The following YARS1 variants were observed in gnomAD, a reference collection of about 807,000 sequenced individuals.
The protein encoded by YARS1 is tyrosine--tRNA ligase, cytoplasmic.
In YARS1, 36 loss-of-function variants were observed where a neutral mutation model predicts 62.2. That is an observed-to-expected ratio of 0.58 (90% CI 0.44 to 0.76). The LOEUF is 0.76. YARS1 is among the 30% of genes least tolerant of loss of function. The pLI, the probability that YARS1 is intolerant of heterozygous loss-of-function variation, is 0.00. For missense variants in YARS1, 524 were observed against 639.8 expected (o/e 0.82, Z 1.95); for synonymous variants, 234 against 244.9 (o/e 0.96, Z 0.42).
chr1:32,816,310 A>G (rs560992797), intron 1 of YARS1, among the ~76,000 whole-genome samples: 27 of 152,150 alleles, frequency 1.8e-4, no homozygotes, highest in Non-Finnish European at 2.9e-4. Context: ...ATTGAACAGA[A>G]TAAGGCCTGC....
chr1:32,804,442 G>A (rs563921074), intron 4 of YARS1, among the ~76,000 whole-genome samples: 6 of 151,878 alleles, frequency 4.0e-5, no homozygotes, highest in South Asian at 2.1e-4. Flanking sequence ...CGGACGGGGC[G>A]GCTGCCGGGC....
chr1:32,806,921 A>G (rs1257830812), intron 3 of YARS1, among the ~76,000 whole-genome samples: 1 of 152,202 alleles, frequency 6.6e-6, no homozygotes, highest in Non-Finnish European at 1.5e-5. Context: ...ACATGTAACA[A>G]ACCTGCACAT....
Position 32,807,349 on chromosome 1 carries a change from C to T in YARS1, c.381-738G>A, listed in dbSNP as rs555537172. 1.5e-4 allele frequency among the ~76,000 whole-genome samples: 23 copies of T among 152,344 alleles called. No homozygotes were observed. The South Asian group carries it at 4.6e-3, about 30-fold the overall frequency. ...GCTTTCAAGTGGCCGGGCAGCCAAA[C>T]CTGGGTCCAGTTACATTAGGACATT... On this transcript the variant is annotated intron_variant, in intron 3 of 12. Transcript: ENST00000373477.
Position 32,798,901 on chromosome 1 carries a change from G to A in YARS1, c.511-1058C>T, listed in dbSNP as rs112714303. Among the ~76,000 whole-genome samples the A allele has an allele frequency of 3.1e-3, 479 of 152,284 alleles. 7 individuals are homozygous for A. Among genetic ancestry groups the A allele is most frequent in the African/African-American group, 0.011 (453 of 41,554 alleles). On this transcript the variant is annotated intron_variant, in intron 4 of 12. Coordinates refer to ENST00000373477, the MANE Select transcript of YARS1 (RefSeq NM_003680.4). ...ACATGCCAGGCCTGCTGCCAGCTCC[G>A]TGGATGGTGAGATAAATCAGACCCA...
At chr1:32,789,745 C>T (rs1653352571) in intron 6 of YARS1, among the ~76,000 whole-genome samples, 2 of 151,724 alleles carry the variant, frequency 1.3e-5, no homozygotes, top group African/African-American at 4.8e-5. Context: ...CATGCCACCA[C>T]ACCCAGCTGA....
chr1:32,796,864 C>A (rs1653599193), intron 5 of YARS1, among the ~76,000 whole-genome samples: 1 of 141,826 alleles, frequency 7.1e-6, no homozygotes, highest in South Asian at 2.3e-4. Flanking sequence ...ACTCGGCAGG[C>A]TGAGGCAGGA....
chr1:32,804,825 T>C (rs1038409389), intron 4 of YARS1, among the ~76,000 whole-genome samples: 25 of 151,858 alleles, frequency 1.6e-4, no homozygotes, highest in African/African-American at 5.3e-4. Context: ...ACTTCCCAGA[T>C]GGGGTGGCAG....
intron 9 of YARS1, 63 bp from the exon 10 acceptor site, chr1:32,781,208 C>G: frequency 7.6e-7 from 1 of 1,314,256 alleles, no homozygotes; most frequent in Non-Finnish European, 1.1e-6. Flanking sequence ...CTGCTGATCC[C>G]ACCACGTTAA....
At chr1:32,813,113 AC>A (rs1487439179) in intron 1 of YARS1, among the ~76,000 whole-genome samples, 2 of 150,948 alleles carry the variant, frequency 1.3e-5, no homozygotes, top group Non-Finnish European at 3.0e-5. Context: ...TAGAACCCCC[AC>A]CCCCTTTCTG....
chr1:32,803,428 G>C (rs113889404), intron 4 of YARS1, among the ~76,000 whole-genome samples: 5 of 151,770 alleles, frequency 3.3e-5, no homozygotes, highest in Non-Finnish European at 5.9e-5. Context: ...CACCATGCCC[G>C]GCCTATTTAG....
Position 32,775,889 on chromosome 1 carries a change from C to T in YARS1, c.*92G>A. ...AGTCCAAACCCGCTGCTTCCGTGTC[C>T]TGAGAGATGGGTAAATGGGTGATGG... On this transcript the variant is annotated 3_prime_UTR_variant, in exon 13 of 13. Transcript: ENST00000373477. 8.1e-7 allele frequency: 1 copy of T among 1,228,360 alleles called. No homozygotes were observed. Among genetic ancestry groups the T allele is most frequent in the Non-Finnish European group, 1.2e-6 (1 of 838,868 alleles). The allele number at this position is 1,228,360 out of a possible 1,614,324, so 76.1% of individuals were successfully genotyped here.
intron 4 of YARS1, among the ~76,000 whole-genome samples, chr1:32,799,778 T>G (rs558307664): frequency 6.6e-6 from 1 of 152,314 alleles, no homozygotes; most frequent in East Asian, 1.9e-4. Flanking sequence ...GCTACCACAT[T>G]AGACAGTACA....
At chr1:32,812,940 C>T (rs548471656) in intron 1 of YARS1, among the ~76,000 whole-genome samples, 3 of 148,068 alleles carry the variant, frequency 2.0e-5, no homozygotes, top group East Asian at 1.9e-4. Context: ...TGCACTCCAG[C>T]CTGGGCAACA....
intron 5 of YARS1, among the ~76,000 whole-genome samples, chr1:32,795,743 T>A (rs1653561682): frequency 6.6e-6 from 1 of 150,958 alleles, no homozygotes; most frequent in Admixed American, 6.6e-5. Context: ...GAGGCAGAGG[T>A]TGCAGTGAGC....
At chr1:32,780,627 A>T in intron 10 of YARS1, 1 of 418,078 alleles carries the variant, frequency 2.4e-6, no homozygotes, top group Non-Finnish European at 4.5e-6. Flanking sequence ...AGGGAAAAAA[A>T]GCCCAGAACA....
intron 11 of YARS1, 161 bp downstream of exon 11, chr1:32,779,924 T>C (rs937236410): frequency 1.2e-6 from 1 of 809,334 alleles, no homozygotes; most frequent in Non-Finnish European, 2.0e-6. Flanking sequence ...TTAACAGTAC[T>C]TGTACGATAA....
intron 10 of YARS1, 144 bp from the exon 11 acceptor site, chr1:32,780,422 C>A: frequency 1.1e-6 from 1 of 898,452 alleles, no homozygotes. Flanking sequence ...TTTCCACGTC[C>A]CAGACAGCAG....
chr1:32,797,408 A>G (rs1653641158), intron 5 of YARS1, among the ~76,000 whole-genome samples: 1 of 152,084 alleles, frequency 6.6e-6, no homozygotes, highest in East Asian at 1.9e-4. Context: ...ATGCTGGGAA[A>G]TGCGAACCAA....
chr1:32,798,596 G>A (rs1653677714), intron 4 of YARS1, among the ~76,000 whole-genome samples: 1 of 152,168 alleles, frequency 6.6e-6, no homozygotes, highest in African/African-American at 2.4e-5. Flanking sequence ...CAGCACTTTG[G>A]GAGGCTGAGG....
Sources: gnomAD v4.1 joint callset for allele counts (sites outside exome capture counted in the v4.1 genomes callset) on GRCh38, gnomAD v4.1.1 for gene constraint, MANE v1.5 for transcripts, NCBI Gene and HGNC (gene_info 2026-07-23, HGNC 2026-07-21) for gene names.